MAGI2: variants seen among roughly 807,000 people sequenced by gnomAD.
MAGI2 encodes the protein membrane-associated guanylate kinase, WW and PDZ domain-containing protein 2.
MAGI2 carries 35 observed loss-of-function variants against 133.3 expected under a neutral mutation model. The observed-to-expected ratio is 0.26, with a 90% CI of 0.20 to 0.35. The LOEUF (loss-of-function observed/expected upper bound fraction) is 0.35. MAGI2 is among the 10% of genes least tolerant of loss of function. MAGI2 has a pLI of 1.00. For synonymous variants in MAGI2, 729 were observed against 710.6 expected, an observed-to-expected ratio of 1.03 and a Z score of -0.41; for missense variants, 1,636 against 1,863.4, an observed-to-expected ratio of 0.88 and a Z score of 2.25.
chr7:79,099,207 A>T (rs1364776022), intron 1 of MAGI2, among the ~76,000 whole-genome samples: 1 of 152,166 alleles, frequency 6.6e-6, no homozygotes, highest in African/African-American at 2.4e-5. Flanking sequence ...TCCAGAGAGT[A>T]CATTAAGTTC....
intron 2 of MAGI2, among the ~76,000 whole-genome samples, chr7:78,689,801 T>C (rs909719922): frequency 6.0e-5 from 9 of 149,610 alleles, no homozygotes; most frequent in African/African-American, 2.2e-4. Flanking sequence ...TAATAAGATA[T>C]CACAATTTAT....
At chr7:78,461,383 C>CGT (rs1333014289) in intron 6 of MAGI2, among the ~76,000 whole-genome samples, 42 of 92,724 alleles carry the variant, frequency 4.5e-4, no homozygotes, top group Admixed American at 2.8e-3. Context: ...TTCCTGGACA[C>CGT]GTGTGTGTGC....
At chr7:79,016,019 G>T in intron 1 of MAGI2, among the ~76,000 whole-genome samples, 2 of 135,952 alleles carry the variant, frequency 1.5e-5, no homozygotes, top group South Asian at 2.5e-4. Context: ...GGTGGGGGTT[G>T]AGCAGGCAAG....
At chr7:78,443,744 A>G (rs1037784740) in intron 6 of MAGI2, among the ~76,000 whole-genome samples, 9 of 152,106 alleles carry the variant, frequency 5.9e-5, no homozygotes, top group South Asian at 4.1e-4. Flanking sequence ...TCTTTGACTA[A>G]TCTGTACATC....
intron 16 of MAGI2, among the ~76,000 whole-genome samples, chr7:78,159,486 T>C (rs953495681): frequency 8.5e-5 from 13 of 152,338 alleles, no homozygotes; most frequent in South Asian, 2.1e-4. Flanking sequence ...CAAGAGCACA[T>C]GAAGCCAGCA....
intron 2 of MAGI2, among the ~76,000 whole-genome samples, chr7:78,880,931 G>GA (rs1795795733): frequency 1.3e-5 from 2 of 152,162 alleles, no homozygotes; most frequent in Admixed American, 6.5e-5. Context: ...CTATTAATCG[G>GA]AAAAAAATGA....
intron 3 of MAGI2, among the ~76,000 whole-genome samples, chr7:78,604,601 C>T (rs1332013574): frequency 1.3e-5 from 2 of 152,096 alleles, no homozygotes; most frequent in African/African-American, 4.8e-5. Flanking sequence ...GACATAAATC[C>T]CTTATCAAGC....
chr7:78,535,144 A>T (rs1481774098), intron 3 of MAGI2, among the ~76,000 whole-genome samples: 1 of 152,192 alleles, frequency 6.6e-6, no homozygotes, highest in Non-Finnish European at 1.5e-5. Context: ...AAAAGAAAAG[A>T]AAATAAAAAA....
intron 1 of MAGI2, among the ~76,000 whole-genome samples, chr7:79,071,625 AAT>A (rs1814979867): frequency 4.4e-5 from 3 of 68,184 alleles, no homozygotes; most frequent in Non-Finnish European, 8.1e-5. Flanking sequence ...GGCTTCCTGC[AAT>A]TTTTTTTTTT....
At chr7:79,327,278 G>T (rs1839767693) in intron 1 of MAGI2, among the ~76,000 whole-genome samples, 2 of 152,120 alleles carry the variant, frequency 1.3e-5, no homozygotes, top group Admixed American at 1.3e-4. Flanking sequence ...TTCTTCTGAG[G>T]ATTTGGTCAC....
In MAGI2 at chr7:78,457,944, TAAG is replaced by T. The variant is rs1300848121; in HGVS notation, c.1045+31814_1045+31816del. 3.9e-5 allele frequency among the ~76,000 whole-genome samples: 6 copies of T among 152,288 alleles called. No homozygotes were observed. In the East Asian group the frequency reaches 1.2e-3, roughly 29 times the overall value. On this transcript the variant is annotated intron_variant, in intron 6 of 21. Transcript: ENST00000354212. The stretch of plus-strand genomic sequence containing the variant: ...AAGCCTTTAATAATATGCACAAACT[TAAG>T]AAATTATTTTCATGTTCTGGAATGC...
chr7:78,741,214 A>C (rs2151253618), intron 2 of MAGI2, among the ~76,000 whole-genome samples: 1 of 152,220 alleles, frequency 6.6e-6, no homozygotes, highest in East Asian at 1.9e-4. Flanking sequence ...GTAATCTAAG[A>C]AGCTTCATAG....
At chr7:78,862,844 A>G (rs1245632919) in intron 2 of MAGI2, among the ~76,000 whole-genome samples, 1 of 152,232 alleles carries the variant, frequency 6.6e-6, no homozygotes, top group Non-Finnish European at 1.5e-5. Context: ...AAAAGGTGGC[A>G]ATACTTTACT....
chr7:78,556,012 A>C (rs1376243160), intron 3 of MAGI2, among the ~76,000 whole-genome samples: 1 of 152,208 alleles, frequency 6.6e-6, no homozygotes, highest in African/African-American at 2.4e-5. Context: ...AAATCTAGTA[A>C]CTATTAAAGG....
chr7:78,214,040 T>C (rs1356621876), intron 10 of MAGI2, among the ~76,000 whole-genome samples: 2 of 152,196 alleles, frequency 1.3e-5, no homozygotes, highest in Non-Finnish European at 2.9e-5. Context: ...TGCTCCATAA[T>C]TGGAGACCTC....
intron 1 of MAGI2, among the ~76,000 whole-genome samples, chr7:79,232,143 C>A (rs955700854): frequency 6.6e-6 from 1 of 152,108 alleles, no homozygotes; most frequent in East Asian, 1.9e-4. Context: ...GGGATGAAGC[C>A]CACTTGATCA....
chr7:79,217,931 A>C (rs1830149291), intron 1 of MAGI2, among the ~76,000 whole-genome samples: 1 of 152,050 alleles, frequency 6.6e-6, no homozygotes, highest in South Asian at 2.1e-4. Flanking sequence ...AAATGACAGC[A>C]AATGATGGCT....
intron 1 of MAGI2, among the ~76,000 whole-genome samples, chr7:79,210,590 T>C (rs1402863777): frequency 6.6e-6 from 1 of 152,068 alleles, no homozygotes; most frequent in African/African-American, 2.4e-5. Context: ...CAGGCATCAG[T>C]TGGAATAGAT....
At chr7:78,754,596 G>A (rs903254978) in intron 2 of MAGI2, among the ~76,000 whole-genome samples, 3 of 152,162 alleles carry the variant, frequency 2.0e-5, no homozygotes, top group Non-Finnish European at 4.4e-5. Flanking sequence ...TGAGCAGCAA[G>A]TATTAGCTTT....
Sources: allele counts gnomAD v4.1 joint callset (sites outside exome capture counted in the v4.1 genomes callset), GRCh38; gene constraint gnomAD v4.1.1; transcripts MANE v1.5; gene names NCBI Gene and HGNC (gene_info 2026-07-23, HGNC 2026-07-21).